CCSER1: variants seen among roughly 807,000 people sequenced by gnomAD.
CCSER1 encodes the protein coiled-coil serine rich protein 1.
A neutral mutation model predicts 82.0 loss-of-function variants in CCSER1; 41 were observed. That is an observed-to-expected ratio of 0.50 (90% CI 0.39 to 0.65). The LOEUF (loss-of-function observed/expected upper bound fraction) is 0.65. Ranked by LOEUF, CCSER1 falls within the 30% of genes least tolerant of loss-of-function variation. The probability of loss-of-function intolerance (pLI) is 0.00; values close to 1 mark genes in which losing one functional copy is unlikely to be tolerated. For synonymous variants in CCSER1, 414 were observed against 383.9 expected (o/e 1.08, Z -0.92); for missense variants, 1,119 against 1,064.2 (o/e 1.05, Z -0.72).
chr4:90,805,084 A>ATT lies in CCSER1; in HGVS notation c.2011-10677_2011-10676insTT, dbSNP rs2149715025. ...ATAATTTACACTAATCTGAACTATA[A>ATT]TAGAGTTTGTCTCTATGTTTAGATG... is the stretch of plus-strand genomic sequence containing the variant. On this transcript the variant is annotated intron_variant, in intron 7 of 10. Transcript: ENST00000509176. Among the ~76,000 whole-genome samples, 4 of 151,838 alleles carry ATT rather than the reference A, an allele frequency of 2.6e-5. No individual in the cohort carries two copies. In the South Asian group the frequency reaches 8.3e-4, roughly 32 times the overall value.
Position 91,305,390 on chromosome 4 carries a change from T to C in CCSER1, c.2217+219396T>C, listed in dbSNP as rs1041083706. On this transcript the variant is annotated intron_variant, in intron 10 of 10. Coordinates refer to ENST00000509176, the MANE Select transcript of CCSER1 (RefSeq NM_001145065.2). ...GTTCAAAAGCCATTATTTGCAATTG[T>C]AAGGTGCAGAAATTTTTTTTATAAA... Among the ~76,000 whole-genome samples, 37 of 152,190 alleles carry C rather than the reference T, an allele frequency of 2.4e-4. 1 individual carries two copies. Among genetic ancestry groups the C allele is most frequent in the African/African-American group, 8.9e-4 (37 of 41,564 alleles).
chr4:90,367,154 A>G (rs978983697), intron 3 of CCSER1, among the ~76,000 whole-genome samples: 4 of 151,894 alleles, frequency 2.6e-5, no homozygotes, highest in African/African-American at 9.7e-5. Flanking sequence ...AAAAGACAAG[A>G]GACGGTAACA....
At chr4:91,190,510 AT>A (rs1215493710) in intron 10 of CCSER1, among the ~76,000 whole-genome samples, 1 of 152,190 alleles carries the variant, frequency 6.6e-6, no homozygotes, top group Non-Finnish European at 1.5e-5. Context: ...TGTAAAGGAA[AT>A]TTTTTGAACT....
rs146856729 is a variant in CCSER1, at chr4:90,805,289, A to T, written c.2011-10473A>T. Among the ~76,000 whole-genome samples, 68 of 152,294 alleles carry T rather than the reference A, an allele frequency of 4.5e-4. No individual in the cohort carries two copies. The East Asian group carries it at 0.011, about 25-fold the overall frequency. On this transcript the variant is annotated intron_variant, in intron 7 of 10. Transcript: ENST00000509176. Reference sequence around the variant, plus strand: ...AGTCACCTGAAGACTCCACCAGCCTAGATGTCCAAGGTAGCTCATACTCAC... The same window carrying T: ...AGTCACCTGAAGACTCCACCAGCCTTGATGTCCAAGGTAGCTCATACTCAC...
chr4:90,271,862 A>ATTTTTTT (rs1176154331), intron 1 of CCSER1, among the ~76,000 whole-genome samples: 2 of 21,762 alleles, frequency 9.2e-5, no homozygotes, highest in African/African-American at 5.1e-4. Context: ...ATATATATAT[A>ATTTTTTT]TTTTTTTTTT....
chr4:90,861,927 T>TATA lies in CCSER1; in HGVS notation c.2094+46082_2094+46083insATA, dbSNP rs796104595. Among the ~76,000 whole-genome samples, 12 of 74,440 alleles carry TATA rather than the reference T, an allele frequency of 1.6e-4. No individual in the cohort carries two copies. In the East Asian group the frequency reaches 4.4e-3, roughly 27 times the overall value. The allele number at this position is 74,440 out of a possible 152,430, so 48.8% of individuals were successfully genotyped here. ...ACTCATATATATATATATATATATA[T>TATA]TTTTTTTTTCTGTTAGACTAGTGTT... On this transcript the variant is annotated intron_variant, in intron 8 of 10. Coordinates refer to ENST00000509176, the MANE Select transcript of CCSER1 (RefSeq NM_001145065.2).
intron 9 of CCSER1, among the ~76,000 whole-genome samples, chr4:90,947,607 A>G (rs1308867010): frequency 1.3e-5 from 2 of 152,176 alleles, no homozygotes; most frequent in Non-Finnish European, 2.9e-5. Context: ...GCTTATTTTA[A>G]CTATTAAAAC....
intron 1 of CCSER1, among the ~76,000 whole-genome samples, chr4:90,139,954 C>A (rs1445908152): frequency 1.3e-5 from 2 of 151,766 alleles, no homozygotes; most frequent in African/African-American, 4.8e-5. Flanking sequence ...AGTGAGACTC[C>A]ATCTCAAAAG....
intron 6 of CCSER1, among the ~76,000 whole-genome samples, chr4:90,721,929 A>C (rs1453699583): frequency 6.6e-6 from 1 of 151,526 alleles, no homozygotes; most frequent in East Asian, 1.9e-4. Flanking sequence ...AAGGTGTCAC[A>C]CTTTAAGATT....
intron 5 of CCSER1, among the ~76,000 whole-genome samples, chr4:90,469,524 A>AACACACACACACACACACAC (rs3971380): frequency 2.5e-4 from 34 of 136,424 alleles, no homozygotes; most frequent in East Asian, 2.2e-3. Flanking sequence ...TTTCCTGCAA[A>AACACACACACACACACACAC]ACACACACAC....
At chr4:90,791,500 A>G (rs1755228571) in intron 7 of CCSER1, among the ~76,000 whole-genome samples, 1 of 152,200 alleles carries the variant, frequency 6.6e-6, no homozygotes, top group Non-Finnish European at 1.5e-5. Context: ...CAGAAAGAGT[A>G]CAACTCTTTG....
chr4:90,310,988 T>C (rs1735188846), intron 2 of CCSER1, among the ~76,000 whole-genome samples: 1 of 152,094 alleles, frequency 6.6e-6, no homozygotes. Context: ...TTACCTGTAA[T>C]ATAATCATGA....
intron 10 of CCSER1, among the ~76,000 whole-genome samples, chr4:91,551,579 G>A (rs1409608049): frequency 2.6e-5 from 4 of 151,612 alleles, no homozygotes; most frequent in Non-Finnish European, 4.4e-5. Context: ...GACGAAAGCT[G>A]AGCTTGTATA....
At chr4:91,564,256 G>C (rs997145121) in intron 10 of CCSER1, among the ~76,000 whole-genome samples, 10 of 151,778 alleles carry the variant, frequency 6.6e-5, no homozygotes, top group Non-Finnish European at 1.2e-4. Context: ...AGTATTCCAT[G>C]GTGTATATAG....
intron 4 of CCSER1, among the ~76,000 whole-genome samples, chr4:90,404,702 A>G (rs1260674151): frequency 6.6e-6 from 1 of 152,216 alleles, no homozygotes; most frequent in South Asian, 2.1e-4. Context: ...CTGCAGGCTC[A>G]GCCCAGAACC....
chr4:91,247,803 G>T (rs1739916236), intron 10 of CCSER1, among the ~76,000 whole-genome samples: 1 of 152,136 alleles, frequency 6.6e-6, no homozygotes, highest in South Asian at 2.1e-4. Context: ...GGCAGTTGGA[G>T]GTTGCAGTGA....
At chr4:90,414,008 A>C (rs535524568) in intron 4 of CCSER1, among the ~76,000 whole-genome samples, 1 of 128,286 alleles carries the variant, frequency 7.8e-6, no homozygotes, top group Non-Finnish European at 1.6e-5. Context: ...ATATATATAT[A>C]TATCTTCTTC....
chr4:91,001,341 T>A (rs1738016422), intron 9 of CCSER1, among the ~76,000 whole-genome samples: 1 of 152,196 alleles, frequency 6.6e-6, no homozygotes, highest in Non-Finnish European at 1.5e-5. Context: ...TGCATCTGTG[T>A]TCAATGGGGA....
intron 5 of CCSER1, among the ~76,000 whole-genome samples, chr4:90,539,454 A>G (rs948027166): frequency 6.6e-6 from 1 of 152,034 alleles, no homozygotes; most frequent in African/African-American, 2.4e-5. Context: ...GTGATAAAAT[A>G]CCCTGTTGTA....
Sources: gnomAD v4.1 joint callset for allele counts (sites outside exome capture counted in the v4.1 genomes callset) on GRCh38, gnomAD v4.1.1 for gene constraint, MANE v1.5 for transcripts, NCBI Gene and HGNC (gene_info 2026-07-23, HGNC 2026-07-21) for gene names.